The following ALX1 variants were observed in gnomAD, a reference collection of about 807,000 sequenced individuals.
ALX1 encodes the protein ALX homeobox 1.
A neutral mutation model predicts 31.7 loss-of-function variants in ALX1; 19 were observed. The ratio of observed to expected loss-of-function variants is 0.60; its 90% CI spans 0.42 to 0.88. ALX1 has a LOEUF of 0.88. Ranked by LOEUF, ALX1 falls within the 40% of genes least tolerant of loss-of-function variation. ALX1 has a pLI of 0.00. For synonymous variants in ALX1, 153 were observed against 148.8 expected (o/e 1.03, Z -0.20); for missense variants, 415 against 407.8 (o/e 1.02, Z -0.15).
At chr12:85,294,507 C>T (rs980432626) in intron 3 of ALX1, among the ~76,000 whole-genome samples, 1 of 150,970 alleles carries the variant, frequency 6.6e-6, no homozygotes, top group Non-Finnish European at 1.5e-5. Flanking sequence ...TTAAAAGTCA[C>T]TTAATATAGA....
chr12:85,285,975 C>T (rs943018626), intron 2 of ALX1, among the ~76,000 whole-genome samples: 1 of 151,840 alleles, frequency 6.6e-6, no homozygotes, highest in East Asian at 1.9e-4. Flanking sequence ...ATAAATACTT[C>T]TAATAGGTAA....
intron 3 of ALX1, among the ~76,000 whole-genome samples, chr12:85,296,320 A>T (rs964682979): frequency 5.3e-5 from 8 of 151,626 alleles, no homozygotes; most frequent in Non-Finnish European, 7.4e-5. Context: ...ATGTTAATAT[A>T]TATTTATGTA....
At chr12:85,286,546 A>ATATAT (rs2137379929) in intron 2 of ALX1, among the ~76,000 whole-genome samples, 1 of 152,050 alleles carries the variant, frequency 6.6e-6, no homozygotes, top group South Asian at 2.1e-4. Flanking sequence ...TGGAGTATTC[A>ATATAT]GGATCATATA....
At chr12:85,284,084 C>T (rs1039184397) in intron 2 of ALX1, among the ~76,000 whole-genome samples, 4 of 151,882 alleles carry the variant, frequency 2.6e-5, no homozygotes, top group Non-Finnish European at 5.9e-5. Flanking sequence ...AACAAAAGAA[C>T]ACAAGTTATT....
chr12:85,285,279 G>A (rs1285433205), intron 2 of ALX1, among the ~76,000 whole-genome samples: 2 of 151,812 alleles, frequency 1.3e-5, no homozygotes, highest in African/African-American at 4.8e-5. Context: ...AATTTACTCA[G>A]GTCGTTCTCT....
intron 3 of ALX1, among the ~76,000 whole-genome samples, chr12:85,294,682 C>T (rs571704447): frequency 1.3e-5 from 2 of 150,988 alleles, no homozygotes; most frequent in African/African-American, 2.4e-5. Context: ...AAGCTTCGTG[C>T]TTTTAATTTT....
intron 3 of ALX1, among the ~76,000 whole-genome samples, chr12:85,299,305 A>G (rs2137394486): frequency 6.6e-6 from 1 of 151,816 alleles, no homozygotes; most frequent in African/African-American, 2.4e-5. Context: ...TGACATTAGC[A>G]GCCCTCTTGT....
At chr12:85,285,455 TTTG>T (rs1464261191) in intron 2 of ALX1, among the ~76,000 whole-genome samples, 18 of 152,138 alleles carry the variant, frequency 1.2e-4, no homozygotes, top group Admixed American at 1.0e-3. Flanking sequence ...TGATTTGTTT[TTTG>T]TTGTTGTTGA....
intron 3 of ALX1, among the ~76,000 whole-genome samples, chr12:85,299,064 C>T (rs1896926418): frequency 6.6e-6 from 1 of 150,800 alleles, no homozygotes; most frequent in South Asian, 2.1e-4. Context: ...ATTCAAGAAA[C>T]TGTATAAATC....
intron 3 of ALX1, among the ~76,000 whole-genome samples, chr12:85,296,536 C>A (rs1896889374): frequency 6.6e-6 from 1 of 151,568 alleles, no homozygotes; most frequent in Non-Finnish European, 1.5e-5. Flanking sequence ...AGTAAATCCG[C>A]TGTACTTCCA....
chr12:85,284,704 T>G (rs1393851816), intron 2 of ALX1, among the ~76,000 whole-genome samples: 1 of 152,136 alleles, frequency 6.6e-6, no homozygotes, highest in African/African-American at 2.4e-5. Flanking sequence ...TGACTACATT[T>G]GATATTCTTA....
In ALX1 at chr12:85,283,771, G is replaced by A; in HGVS notation, c.426G>A (p.Leu142=). ...KRRHRTTFTS[L]QLEELEKVFQ... is the part of the protein sequence containing the mutation. ...GGCACCGAACCACCTTCACCAGTTT[G>A]CAGCTAGAGGAGCTGGAGAAAGTCT... Residue 142 remains leucine (L), a synonymous_variant, in exon 2 of 4, where the codon TTG becomes TTA. Transcript: ENST00000316824. 6.2e-7 allele frequency: 1 copy of A among 1,614,142 alleles called. No homozygotes were observed. The highest frequency in any genetic ancestry group is 1.3e-5 in the African/African-American group (1 of 75,042).
chr12:85,294,308 A>G (rs1172176650), intron 3 of ALX1, among the ~76,000 whole-genome samples: 2 of 151,126 alleles, frequency 1.3e-5, no homozygotes, highest in Non-Finnish European at 3.0e-5. Context: ...AGCAATAGCT[A>G]TCATACATGT....
At chr12:85,285,092 T>C (rs530921488) in intron 2 of ALX1, among the ~76,000 whole-genome samples, 1 of 152,124 alleles carries the variant, frequency 6.6e-6, no homozygotes, top group South Asian at 2.1e-4. Flanking sequence ...ACACCCGCTG[T>C]GTAAGTTTGA....
At chr12:85,280,529 C>A (rs761123701) in intron 1 of ALX1, 42 bp downstream of exon 1, 3 of 1,593,822 alleles carry the variant, frequency 1.9e-6, no homozygotes, top group South Asian at 1.1e-5. Context: ...GCAGCCCTTC[C>A]GCAATCGAAA....
At chr12:85,290,626 C>T (rs879706200) in intron 3 of ALX1, among the ~76,000 whole-genome samples, 1 of 151,230 alleles carries the variant, frequency 6.6e-6, no homozygotes, top group Non-Finnish European at 1.5e-5. Flanking sequence ...GTACTGACAA[C>T]AGTATCTTTT....
intron 2 of ALX1, among the ~76,000 whole-genome samples, chr12:85,284,800 T>C (rs1460727078): frequency 6.6e-6 from 1 of 152,132 alleles, no homozygotes; most frequent in African/African-American, 2.4e-5. Context: ...GTGTGTGTTC[T>C]GACTCCTCTA....
chr12:85,301,443 G>A lies in ALX1; in HGVS notation c.949G>A (p.Glu317Lys). Reference sequence around the variant, plus strand: ...CGCAGTTCTTCGAATGAAAGCCAAGGAGCACACCGCCAATATTTCATGGGC... The same window carrying A: ...CGCAGTTCTTCGAATGAAAGCCAAGAAGCACACCGCCAATATTTCATGGGC... ...SIAVLRMKAK[E>K]HTANISWAM is the part of the protein sequence containing the mutation. The change falls in exon 4 of 4, where the codon GAG (glutamate) becomes AAG (lysine). Residue 317 changes from glutamate to lysine, a missense_variant. Coordinates refer to ENST00000316824, the MANE Select transcript of ALX1 (RefSeq NM_006982.3). 1.5e-5 allele frequency: 24 copies of A among 1,613,938 alleles called. No homozygotes were observed. The highest frequency in any genetic ancestry group is 2.0e-5 in the Non-Finnish European group (24 of 1,179,920).
At chr12:85,281,524 CA>C (rs1418899723) in intron 1 of ALX1, among the ~76,000 whole-genome samples, 1 of 152,120 alleles carries the variant, frequency 6.6e-6, no homozygotes, top group Non-Finnish European at 1.5e-5. Context: ...TATAGAAATT[CA>C]AAATCTGACA....
Sources: gnomAD v4.1 joint callset for allele counts (sites outside exome capture counted in the v4.1 genomes callset) on GRCh38, gnomAD v4.1.1 for gene constraint, MANE v1.5 for transcripts, NCBI Gene and HGNC (gene_info 2026-07-23, HGNC 2026-07-21) for gene names.